The following SULF1 variants were observed in gnomAD, a reference collection of about 807,000 sequenced individuals.
SULF1 encodes the protein sulfatase 1, also known as extracellular sulfatase Sulf-1.
A neutral mutation model predicts 110.5 loss-of-function variants in SULF1; 46 were observed. That is an observed-to-expected ratio of 0.42 (90% CI 0.33 to 0.53). The LOEUF (loss-of-function observed/expected upper bound fraction) is 0.53. Among genes scored for constraint, SULF1 ranks in the 20% least tolerant of loss-of-function variants. SULF1 has a pLI of 0.12. For synonymous variants in SULF1, 371 were observed against 387.1 expected, an observed-to-expected ratio of 0.96 and a Z score of 0.49; for missense variants, 941 against 1,094.2, an observed-to-expected ratio of 0.86 and a Z score of 1.98.
At chr8:69,625,727 A>G (rs1809954777) in intron 15 of SULF1, among the ~76,000 whole-genome samples, 1 of 152,178 alleles carries the variant, frequency 6.6e-6, no homozygotes, top group African/African-American at 2.4e-5. Flanking sequence ...CCAAAGAGTG[A>G]GCAGTAGCAA....
chr8:69,591,405 A>T (rs1246979913), intron 8 of SULF1, among the ~76,000 whole-genome samples: 1 of 151,910 alleles, frequency 6.6e-6, no homozygotes, highest in Non-Finnish European at 1.5e-5. Context: ...ATACAAAAAA[A>T]AAATAAAAAT....
rs201530049 is a variant in SULF1, at chr8:69,589,165, G to A, written c.734+24G>A. The A allele has an allele frequency of 1.1e-5, 17 of 1,604,546 alleles. No individual in the cohort carries two copies. The East Asian group carries it at 1.8e-4, about 17-fold the overall frequency. ...ATGTAAGTAACAAACTCAACTCTGC[G>A]ACCTGCCGAACATGCCTTTCCCTTT... On this transcript the variant is annotated intron_variant, in intron 8 of 22. Coordinates refer to ENST00000402687, the MANE Select transcript of SULF1 (RefSeq NM_001128205.2).
chr8:69,620,240 A>G (rs75106297), intron 13 of SULF1, among the ~76,000 whole-genome samples: 3,156 of 152,196 alleles, frequency 0.021, 112 homozygotes, highest in African/African-American at 0.072. Flanking sequence ...ACCATTCGTC[A>G]GCTTGTCTCC....
intron 13 of SULF1, among the ~76,000 whole-genome samples, chr8:69,614,985 G>A (rs1432621323): frequency 2.0e-5 from 3 of 152,224 alleles, no homozygotes; most frequent in African/African-American, 7.2e-5. Flanking sequence ...TGAACCATCA[G>A]TGAAGATGGA....
At chr8:69,502,663 T>C (rs964539177) in intron 3 of SULF1, among the ~76,000 whole-genome samples, 4 of 151,146 alleles carry the variant, frequency 2.6e-5, no homozygotes, top group Non-Finnish European at 5.9e-5. Flanking sequence ...GCTTGATTTT[T>C]TTTTTCTTTT....
chr8:69,631,952 T>C (rs1482373935), intron 19 of SULF1, among the ~76,000 whole-genome samples: 1 of 152,244 alleles, frequency 6.6e-6, no homozygotes, highest in Admixed American at 6.5e-5. Flanking sequence ...GCTTAACTGT[T>C]GTCCTTTCCA....
chr8:69,582,615 G>T (rs1261369948), intron 6 of SULF1, among the ~76,000 whole-genome samples: 1 of 150,560 alleles, frequency 6.6e-6, no homozygotes, highest in East Asian at 1.9e-4. Context: ...GCAAGTAGCA[G>T]AGCCAGAATT....
intron 5 of SULF1, among the ~76,000 whole-genome samples, chr8:69,574,899 G>T (rs536839340): frequency 6.6e-6 from 1 of 152,246 alleles, no homozygotes; most frequent in South Asian, 2.1e-4. Context: ...TGAAGACACG[G>T]GGCTAACTGT....
At chr8:69,541,332 G>C (rs1212475027) in intron 3 of SULF1, among the ~76,000 whole-genome samples, 1 of 152,220 alleles carries the variant, frequency 6.6e-6, no homozygotes, top group Admixed American at 6.5e-5. Flanking sequence ...CCCCTGAGAA[G>C]TATGATGGCA....
At chr8:69,649,831 T>C (rs1812191312) in intron 22 of SULF1, among the ~76,000 whole-genome samples, 1 of 152,084 alleles carries the variant, frequency 6.6e-6, no homozygotes, top group Non-Finnish European at 1.5e-5. Flanking sequence ...GAAGCCACTA[T>C]AATTTTTTTC....
At chr8:69,619,209 C>T (rs956736872) in intron 13 of SULF1, among the ~76,000 whole-genome samples, 4 of 151,752 alleles carry the variant, frequency 2.6e-5, no homozygotes, top group Non-Finnish European at 1.5e-5. Flanking sequence ...TAGATATGAA[C>T]AAAAACAATA....
chr8:69,646,055 A>ATTTT (rs1811885758), intron 22 of SULF1, among the ~76,000 whole-genome samples: 1 of 152,222 alleles, frequency 6.6e-6, no homozygotes, highest in Admixed American at 6.5e-5. Context: ...ACAGGGTACC[A>ATTTT]GTACAGCAGA....
At chr8:69,598,639 G>A (rs1175732685) in intron 8 of SULF1, among the ~76,000 whole-genome samples, 3 of 152,108 alleles carry the variant, frequency 2.0e-5, no homozygotes, top group African/African-American at 4.8e-5. Flanking sequence ...TGATTCACCC[G>A]CCTGGGCCTT....
chr8:69,637,183 G>A (rs1057211547), intron 19 of SULF1, among the ~76,000 whole-genome samples: 3 of 152,128 alleles, frequency 2.0e-5, no homozygotes, highest in Admixed American at 6.5e-5. Context: ...TAGAAGGGTC[G>A]ACGTTGAGTT....
intron 1 of SULF1, among the ~76,000 whole-genome samples, chr8:69,486,697 C>CTA (rs1471610327): frequency 1.3e-5 from 2 of 152,144 alleles, no homozygotes; most frequent in Non-Finnish European, 2.9e-5. Context: ...ACAGCCGAGT[C>CTA]TATACATTGC....
chr8:69,559,720 C>G (rs1815344952), intron 3 of SULF1, among the ~76,000 whole-genome samples: 1 of 152,172 alleles, frequency 6.6e-6, no homozygotes, highest in African/African-American at 2.4e-5. Flanking sequence ...CACCTTCATG[C>G]TTTTCCTCAA....
chr8:69,649,777 TG>T (rs1812188652), intron 22 of SULF1, among the ~76,000 whole-genome samples: 1 of 152,106 alleles, frequency 6.6e-6, no homozygotes, highest in African/African-American at 2.4e-5. Context: ...AACATCTTGG[TG>T]GTATTACCTT....
chr8:69,617,381 A>G (rs1809240650), intron 13 of SULF1, among the ~76,000 whole-genome samples: 1 of 652 alleles, frequency 1.5e-3, no homozygotes, highest in South Asian at 0.062. Flanking sequence ...AGCTATATAT[A>G]TATATATATA....
intron 22 of SULF1, among the ~76,000 whole-genome samples, chr8:69,648,963 C>G (rs914168010): frequency 2.6e-5 from 4 of 152,142 alleles, no homozygotes; most frequent in Non-Finnish European, 5.9e-5. Context: ...TTTCTGTTTC[C>G]GGGATTGGGG....
Sources: gnomAD v4.1 joint callset for allele counts (sites outside exome capture counted in the v4.1 genomes callset) on GRCh38, gnomAD v4.1.1 for gene constraint, MANE v1.5 for transcripts, NCBI Gene and HGNC (gene_info 2026-07-23, HGNC 2026-07-21) for gene names.